ALMS1: variants seen among roughly 807,000 people sequenced by gnomAD.
ALMS1 encodes ALMS1 centrosome and basal body associated protein.
Under a neutral mutation model 352.2 loss-of-function variants are expected in ALMS1, and 271 were observed. The observed-to-expected ratio is 0.77, with a 90% CI of 0.70 to 0.85. The LOEUF is 0.85. Among genes scored for constraint, ALMS1 ranks in the 40% least tolerant of loss-of-function variants. The probability of loss-of-function intolerance (pLI) is 0.00; values close to 1 mark genes in which losing one functional copy is unlikely to be tolerated. For synonymous variants in ALMS1, 1,865 were observed against 1,761.2 expected, an observed-to-expected ratio of 1.06 and a Z score of -1.48; for missense variants, 5,445 against 4,870.7, an observed-to-expected ratio of 1.12 and a Z score of -3.51.
chr2:73,482,052 A>G (rs1019832711), intron 9 of ALMS1, among the ~76,000 whole-genome samples: 7 of 152,112 alleles, frequency 4.6e-5, no homozygotes, highest in Admixed American at 3.3e-4. Flanking sequence ...CTCTTTTCCT[A>G]ATTGAATAGC....
chr2:73,448,910 G>A lies in ALMS1; in HGVS notation c.2383G>A (p.Gly795Arg). ...EEGLKVSAVA[G>R]PADQKTGLPT... ...GGGTCTGAAAGTTTCAGCTGTTGCT[G>A]GACCAGCTGACCAGAAGACTGGCCT... Residue 795 changes from glycine to arginine, a missense_variant, in exon 8 of 23, where the codon GGA becomes AGA. Gly to Arg is a moderately radical substitution (Grantham distance 125). Transcript: ENST00000613296. The A allele has an allele frequency of 6.2e-7, 1 of 1,614,108 alleles. No homozygotes were observed. Among genetic ancestry groups the A allele is most frequent in the Non-Finnish European group, 8.5e-7 (1 of 1,179,964 alleles).
chr2:73,416,567 T>C (rs967617462), intron 2 of ALMS1, among the ~76,000 whole-genome samples: 1 of 152,184 alleles, frequency 6.6e-6, no homozygotes, highest in Non-Finnish European at 1.5e-5. Context: ...TGCTGGAAAA[T>C]GTTTGCGAAA....
chr2:73,505,473 T>C (rs1451144017), intron 10 of ALMS1, among the ~76,000 whole-genome samples: 3 of 152,230 alleles, frequency 2.0e-5, no homozygotes, highest in African/African-American at 4.8e-5. Flanking sequence ...TAATGACCAG[T>C]GATGATGAGC....
At chr2:73,421,819 A>G (rs1008349274) in intron 3 of ALMS1, among the ~76,000 whole-genome samples, 2 of 152,192 alleles carry the variant, frequency 1.3e-5, no homozygotes, top group East Asian at 3.9e-4. Flanking sequence ...CTAGATTTGC[A>G]GTAATTTCAG....
rs1425807852 is a variant in ALMS1 at position 73,602,236 on chromosome 2, A to G, written c.12166A>G (p.Ile4056Val). 6.2e-7 allele frequency: 1 copy of G among 1,614,088 alleles called. No individual in the cohort carries two copies. The highest frequency in any genetic ancestry group is 1.7e-5 in the Admixed American group (1 of 60,030). Residue 4056 changes from isoleucine (I) to valine (V), a missense_variant, in exon 20 of 23, where the codon ATA (isoleucine) becomes GTA (valine). Coordinates refer to ENST00000613296, the MANE Select transcript of ALMS1 (RefSeq NM_001378454.1). ...CTTCATCTCCCGCTCTGGGGAGCGG[A>G]TAAAGCGCCTGAAGTTAATAGTCCA... is the stretch of plus-strand genomic sequence containing the variant. ...PDFISRSGER[I>V]KRLKLIVQER...
At chr2:73,499,858 G>A (rs1452376051) in intron 10 of ALMS1, among the ~76,000 whole-genome samples, 1 of 152,028 alleles carries the variant, frequency 6.6e-6, no homozygotes, top group African/African-American at 2.4e-5. Flanking sequence ...AAAAAAGAAT[G>A]ACTCCCCTCC....
At chr2:73,486,713 A>G (rs1489201525) in intron 9 of ALMS1, among the ~76,000 whole-genome samples, 1 of 152,122 alleles carries the variant, frequency 6.6e-6, no homozygotes, top group African/African-American at 2.4e-5. Context: ...TTTTATATAT[A>G]TTTTCCAGTG....
At chr2:73,545,513 T>TA (rs552882303) in intron 12 of ALMS1, among the ~76,000 whole-genome samples, 245 of 152,304 alleles carry the variant, frequency 1.6e-3, no homozygotes, top group African/African-American at 5.6e-3. Context: ...TTACCACAGT[T>TA]AAAAAAACTT....
At chr2:73,546,207 T>C (rs556906916) in intron 12 of ALMS1, among the ~76,000 whole-genome samples, 51 of 152,212 alleles carry the variant, frequency 3.4e-4, no homozygotes, top group Non-Finnish European at 5.1e-4. Flanking sequence ...ATCTCTACTT[T>C]AGTGAAAAAA....
intron 9 of ALMS1, among the ~76,000 whole-genome samples, chr2:73,489,029 A>T (rs1389506434): frequency 6.6e-6 from 1 of 152,136 alleles, no homozygotes; most frequent in Non-Finnish European, 1.5e-5. Flanking sequence ...CTGTTCCTTG[A>T]TGTCATCCAG....
chr2:73,426,508 A>C lies in ALMS1; in HGVS notation c.1293A>C (p.Glu431Asp). 1 of 1,614,172 alleles carries C rather than the reference A, an allele frequency of 6.2e-7. No homozygotes were observed. Among genetic ancestry groups the C allele is most frequent in the Non-Finnish European group, 8.5e-7 (1 of 1,179,978 alleles). ...SDVITLDGLN[E>D]NAVVCSERVA... ...TCATTACTCTGGATGGCCTAAATGAAAATGCTGTTGTATGCAGTGAAAGAG... is the reference window on the plus strand; with the variant it reads ...TCATTACTCTGGATGGCCTAAATGACAATGCTGTTGTATGCAGTGAAAGAG... Residue 431 changes from glutamate (E) to aspartate (D), a missense_variant, in exon 6 of 23, where the codon GAA (glutamate) becomes GAC (aspartate). Glu to Asp is a conservative substitution (Grantham distance 45). Coordinates refer to ENST00000613296, the MANE Select transcript of ALMS1 (RefSeq NM_001378454.1).
intron 1 of ALMS1, among the ~76,000 whole-genome samples, chr2:73,390,794 GTCTC>G (rs142388896): frequency 0.019 from 2,925 of 151,394 alleles, 113 homozygotes; most frequent in African/African-American, 0.065. Flanking sequence ...TTAAGATGGA[GTCTC>G]TCGCTTTTGT....
intron 15 of ALMS1, among the ~76,000 whole-genome samples, chr2:73,569,353 A>G (rs1260304298): frequency 6.6e-6 from 1 of 151,594 alleles, no homozygotes; most frequent in Admixed American, 6.6e-5. Context: ...TCTGTATTTT[A>G]CTTCATTCCC....
intron 10 of ALMS1, among the ~76,000 whole-genome samples, chr2:73,499,775 A>G (rs1403283): frequency 0.053 from 7,991 of 152,204 alleles, 523 homozygotes; most frequent in African/African-American, 0.13. Context: ...CAGATCCCTC[A>G]TGAATGGCTC....
chr2:73,414,489 G>GTTTTTTTTTGT (rs1558635549), intron 2 of ALMS1, among the ~76,000 whole-genome samples: 1,294 of 94,136 alleles, frequency 0.014, 21 homozygotes, highest in African/African-American at 0.055. Context: ...TTTTTTTTTT[G>GTTTTTTTTTGT]TTTTTTTTTT....
At chr2:73,481,504 G>A (rs2103866470) in intron 9 of ALMS1, among the ~76,000 whole-genome samples, 1 of 152,270 alleles carries the variant, frequency 6.6e-6, no homozygotes, top group Middle Eastern at 3.4e-3. Flanking sequence ...TTGAAGTCAG[G>A]TAGCGTGATG....
intron 9 of ALMS1, among the ~76,000 whole-genome samples, chr2:73,487,666 C>G (rs1422301071): frequency 1.3e-5 from 2 of 152,188 alleles, no homozygotes; most frequent in African/African-American, 2.4e-5. Context: ...GGATCCTGAG[C>G]TCTTGTCCTG....
At chr2:73,568,307 T>A (rs1241078938) in intron 15 of ALMS1, among the ~76,000 whole-genome samples, 1 of 152,188 alleles carries the variant, frequency 6.6e-6, no homozygotes, top group Non-Finnish European at 1.5e-5. Flanking sequence ...AACAATTGGA[T>A]GATATCTAAC....
rs374834256 is a variant in ALMS1, at chr2:73,556,016, CTG to C, written c.10079-1202_10079-1201del. ...ACAAAACATCCTTGATATTGATAAA[CTG>C]TAAATTTGGTGTAAAGGCTGCTACT... On this transcript the variant is annotated intron_variant, in intron 13 of 22. Coordinates refer to ENST00000613296, the MANE Select transcript of ALMS1 (RefSeq NM_001378454.1). Among the ~76,000 whole-genome samples, 195 of 152,194 alleles carry C rather than the reference CTG, an allele frequency of 1.3e-3. 3 individuals carry two copies. In the Middle Eastern group the frequency reaches 0.017, roughly 13 times the overall value.
Sources: gnomAD v4.1 joint callset for allele counts (sites outside exome capture counted in the v4.1 genomes callset) on GRCh38, gnomAD v4.1.1 for gene constraint, MANE v1.5 for transcripts, NCBI Gene and HGNC (gene_info 2026-07-23, HGNC 2026-07-21) for gene names.